SORBS3: variants seen among roughly 807,000 people sequenced by gnomAD.
SORBS3 encodes the protein vinexin.
A neutral mutation model predicts 98.0 loss-of-function variants in SORBS3; 69 were observed. That is an observed-to-expected ratio of 0.70 (90% CI 0.58 to 0.86). The LOEUF is 0.86. Among genes scored for constraint, SORBS3 ranks in the 40% least tolerant of loss-of-function variants. The pLI is 0.00. For synonymous variants in SORBS3, 394 were observed against 355.4 expected, an observed-to-expected ratio of 1.11 and a Z score of -1.22; for missense variants, 954 against 908.5, an observed-to-expected ratio of 1.05 and a Z score of -0.64.
chr8:22,551,222 G>A (rs1840074253), upstream of SORBS3, among the ~76,000 whole-genome samples: 3 of 152,212 alleles, frequency 2.0e-5, no homozygotes, highest in Admixed American at 2.0e-4. This position sits in a 1 kb window ranked among gnomAD's most constrained non-coding sequence, Gnocchi z 5.8. Context: ...GCACGTGTGT[G>A]AGCGTCCCCA....
At chr8:22,547,500 G>T (rs1840028008), upstream of SORBS3, among the ~76,000 whole-genome samples, 1 of 152,164 alleles carries the variant, frequency 6.6e-6, no homozygotes, top group Admixed American at 6.5e-5. Context: ...TTGTTTGGAG[G>T]CCAGAGCCGT....
At chr8:22,546,196 T>C (rs762189927) in intron 1 of SORBS3, among the ~76,000 whole-genome samples, 2 of 152,232 alleles carry the variant, frequency 1.3e-5, no homozygotes, top group African/African-American at 4.8e-5. Context: ...TTAGGACTTT[T>C]GTACTATAAA....
Position 22,566,885 on chromosome 8 carries a change from C to G in SORBS3, c.1190+17C>G. Reference sequence around the variant, plus strand: ...GTCCCCCAAGTAAGCGCCCTCCTCCCCCTCCCCTTCCACCCAAGGCAATCT... The same window carrying G: ...GTCCCCCAAGTAAGCGCCCTCCTCCGCCTCCCCTTCCACCCAAGGCAATCT... On this transcript the variant is annotated intron_variant, in intron 15 of 20. Transcript: ENST00000240123. 1 of 1,603,266 alleles carries G rather than the reference C, an allele frequency of 6.2e-7. No homozygotes were observed. Among genetic ancestry groups the G allele is most frequent in the South Asian group, 1.1e-5 (1 of 89,778 alleles).
chr8:22,560,779 T>A (rs1340856746), intron 5 of SORBS3, among the ~76,000 whole-genome samples: 1 of 150,076 alleles, frequency 6.7e-6, no homozygotes, highest in African/African-American at 2.5e-5. Context: ...GGGTGTGGGG[T>A]CCAGTGAGGG....
chr8:22,549,184 C>A (rs2117188710), upstream of SORBS3, among the ~76,000 whole-genome samples: 2 of 152,334 alleles, frequency 1.3e-5, no homozygotes, highest in Admixed American at 1.3e-4. Flanking sequence ...AAGGGCAGTG[C>A]CAGAGGTGGG....
Position 22,575,274 on chromosome 8 carries a change from G to T in SORBS3, c.*546G>T. Reference sequence around the variant, plus strand: ...GACGCAGCACCTTCTTAGCGATCTAGGCCTGGCAAGAGCTCTGGCCCCAAG... The same window carrying T: ...GACGCAGCACCTTCTTAGCGATCTATGCCTGGCAAGAGCTCTGGCCCCAAG... On this transcript the variant is annotated 3_prime_UTR_variant, in exon 21 of 21. Transcript: ENST00000240123. 1 of 279,104 alleles carries T rather than the reference G, an allele frequency of 3.6e-6. No individual in the cohort carries two copies. The highest frequency in any genetic ancestry group is 7.1e-6 in the Non-Finnish European group (1 of 141,524). The allele number at this position is 279,104 out of a possible 1,614,324, so 17.3% of individuals were successfully genotyped here.
chr8:22,558,482 C>T (rs1038425343), intron 5 of SORBS3, among the ~76,000 whole-genome samples: 2 of 152,200 alleles, frequency 1.3e-5, no homozygotes, highest in Admixed American at 1.3e-4. Context: ...ATTTCCCTGC[C>T]AAGCTGGAAT....
Position 22,556,840 on chromosome 8 carries a change from A to C in SORBS3, c.346A>C (p.Lys116Gln), listed in dbSNP as rs745572816. ...TWTKDSKRRD[K>Q]RWVKYEGIGP... The stretch of plus-strand genomic sequence containing the variant: ...GACCAAGGACAGCAAGCGTCGGGAC[A>C]AGCGCTGGGTCAAGTACGAGGGAAT... The change falls in exon 4 of 21, where the codon AAG (lysine) becomes CAG (glutamine). Residue 116 changes from lysine to glutamine, a missense_variant. Transcript: ENST00000240123. 3.1e-6 allele frequency: 5 copies of C among 1,613,356 alleles called. No homozygotes were observed. The South Asian group carries it at 5.5e-5, about 18-fold the overall frequency.
At chr8:22,551,769 C>T (rs1282778604), upstream of SORBS3, 2 of 984,874 alleles carry the variant, frequency 2.0e-6, no homozygotes, top group Non-Finnish European at 2.4e-6. The surrounding 1 kb of genome is among the most constrained non-coding windows in gnomAD (Gnocchi z 5.8). Context: ...CAGTCCAGAT[C>T]CGAGACCCAA....
chr8:22,549,019 G>A (rs1290223292), upstream of SORBS3, among the ~76,000 whole-genome samples: 1 of 152,224 alleles, frequency 6.6e-6, no homozygotes, highest in Admixed American at 6.5e-5. Flanking sequence ...TGACGGTGAT[G>A]TTGGGGACTA....
intron 7 of SORBS3, among the ~76,000 whole-genome samples, chr8:22,563,626 A>C (rs1840341778): frequency 6.6e-6 from 1 of 152,178 alleles, no homozygotes; most frequent in Non-Finnish European, 1.5e-5. Context: ...ACTTTAGCAA[A>C]AAGGCCCACA....
In SORBS3 at chr8:22,558,181, G is replaced by A. The variant is rs754626920; in HGVS notation, c.467G>A (p.Arg156Gln). 65 of 1,614,024 alleles carry A rather than the reference G, an allele frequency of 4.0e-5. No individual in the cohort carries two copies. Among genetic ancestry groups the A allele is most frequent in the Middle Eastern group, 1.6e-4 (1 of 6,084 alleles). Residue 156 changes from arginine (R) to glutamine (Q), a missense_variant, in exon 5 of 21, where the codon CGG becomes CAG. By Grantham distance (43) the Arg-to-Gln change is conservative. Coordinates refer to ENST00000240123, the MANE Select transcript of SORBS3 (RefSeq NM_005775.5). ...WYRRMFQQIHRKMPDLQLDWT... is the reference protein window; with the variant it reads ...WYRRMFQQIHQKMPDLQLDWT... ...CGGAGAATGTTCCAGCAGATTCACCGGAAAATGCCAGGTAAGATACCCTTC... is the reference window on the plus strand; with the variant it reads ...CGGAGAATGTTCCAGCAGATTCACCAGAAAATGCCAGGTAAGATACCCTTC...
chr8:22,552,095 C>T lies in SORBS3; in HGVS notation c.-56+73C>T, dbSNP rs970752033. ...GGATCCGTGCCCAACCCCAGGGAAT[C>T]GCACCTAGCCCCTCCCCGGGGTCCG... On this transcript the variant is annotated intron_variant, in intron 1 of 20. Coordinates refer to ENST00000240123, the MANE Select transcript of SORBS3 (RefSeq NM_005775.5). 21 of 980,338 alleles carry T rather than the reference C, an allele frequency of 2.1e-5. No individual in the cohort carries two copies. In the African/African-American group the frequency reaches 3.7e-4, roughly 17 times the overall value. The allele number at this position is 980,338 out of a possible 1,614,324, so 60.7% of individuals were successfully genotyped here. A position where few individuals can be genotyped will look rare whatever the true frequency, so the allele number is the denominator to read the frequency against.
chr8:22,564,966 G>T, intron 10 of SORBS3: 1 of 1,334,814 alleles, frequency 7.5e-7, no homozygotes, highest in Non-Finnish European at 9.6e-7. Context: ...AGAGGAAATG[G>T]GGAACCCCAT....
chr8:22,554,415 C>T lies in SORBS3; in HGVS notation c.-55-37C>T, dbSNP rs1378237612. On this transcript the variant is annotated intron_variant, in intron 1 of 20. Transcript: ENST00000240123. The surrounding 1 kb of genome is among the most constrained non-coding windows in gnomAD (Gnocchi z 6.5). ...GCCAAGAGGGCATGGGCAGCCTAGC[C>T]TAGCAGGGCTTTCCCTTCCTTCCTC... is the stretch of plus-strand genomic sequence containing the variant. The T allele has an allele frequency of 6.5e-7, 1 of 1,536,148 alleles. No homozygotes were observed. The highest frequency in any genetic ancestry group is 1.9e-5 in the Admixed American group (1 of 53,288).
chr8:22,564,918 A>T (rs1315415526), intron 10 of SORBS3: 1 of 1,288,876 alleles, frequency 7.8e-7, no homozygotes, highest in Non-Finnish European at 9.9e-7. Flanking sequence ...CTGGATGGGC[A>T]CAGTGAAGCC....
chr8:22,565,965 CG>C, intron 12 of SORBS3, 93 bp downstream of exon 12: 1 of 877,328 alleles, frequency 1.1e-6, no homozygotes, highest in Non-Finnish European at 1.5e-6. Context: ...GGGGCGATCG[CG>C]GGGCCCAGCC....
intron 4 of SORBS3, among the ~76,000 whole-genome samples, chr8:22,557,321 G>A (rs557124093): frequency 2.0e-5 from 3 of 152,330 alleles, no homozygotes; most frequent in South Asian, 4.1e-4. Flanking sequence ...TGTGGCAAGC[G>A]TGGAAGGATC....
chr8:22,571,860 G>T (rs2280889), intron 19 of SORBS3, 39 bp downstream of exon 19: 43 of 1,434,782 alleles, frequency 3.0e-5, no homozygotes, highest in South Asian at 4.6e-5. Context: ...GACGTGGGGG[G>T]GGTCACTGGC....
Sources: gnomAD v4.1 joint callset for allele counts (sites outside exome capture counted in the v4.1 genomes callset) on GRCh38, gnomAD v4.1.1 for gene constraint, Gnocchi (gnomAD v3.1) non-coding constraint, MANE v1.5 for transcripts, NCBI Gene and HGNC (gene_info 2026-07-23, HGNC 2026-07-21) for gene names.